Variants in RBM46 observed in about 807,000 individuals in gnomAD.
The protein encoded by RBM46 is probable RNA-binding protein 46.
RBM46 carries 12 observed loss-of-function variants against 43.3 expected under a neutral mutation model. The ratio of observed to expected loss-of-function variants is 0.28; its 90% CI spans 0.18 to 0.45. RBM46 has a LOEUF of 0.45. Ranked by LOEUF, RBM46 falls within the 20% of genes least tolerant of loss-of-function variation. RBM46 has a pLI of 1.00. For synonymous variants in RBM46, 205 were observed against 207.6 expected (o/e 0.99, Z 0.11); for missense variants, 412 against 639.1 (o/e 0.64, Z 3.83).
chr4:154,799,515 G>A lies in RBM46; in HGVS notation c.1353G>A (p.Thr451=), dbSNP rs756539216. The A allele has an allele frequency of 1.9e-5, 30 of 1,596,374 alleles. 1 individual carries two copies. The highest frequency in any genetic ancestry group is 1.4e-4 in the Admixed American group (8 of 56,312). The change falls in exon 4 of 5, where the codon ACG becomes ACA. Residue 451 remains threonine (T), a synonymous_variant. Coordinates refer to ENST00000281722, the MANE Select transcript of RBM46 (RefSeq NM_144979.5). ...SYFMPDKLCT[T]LEDAKELAAQ... ...TCATGCCAGACAAACTCTGTACTAC[G>A]TTAGAAGATGCAAAGGAACTGGCAG...
chr4:154,826,739 CTTTTTTT>C (rs34828322), intron 4 of RBM46: 127 of 934,022 alleles, frequency 1.4e-4, no homozygotes, highest in South Asian at 4.0e-4. Flanking sequence ...TTCATTTTTC[CTTTTTTT>C]TTTTTTTTTT....
intron 1 of RBM46, chr4:154,787,204 A>AT (rs77037152): frequency 5.3e-5 from 8 of 150,338 alleles, no homozygotes; most frequent in East Asian, 3.9e-4. Context: ...CTGAGGACAA[A>AT]TTTTTTTTTT....
At chr4:154,827,592 A>G (rs1736024402) in intron 4 of RBM46, 1 of 1,166,548 alleles carries the variant, frequency 8.6e-7, no homozygotes, top group Non-Finnish European at 1.1e-6. Flanking sequence ...TTTTTCTATA[A>G]TCAAAACTCC....
intron 4 of RBM46, among the ~76,000 whole-genome samples, chr4:154,822,611 G>A (rs1735770849): frequency 6.6e-6 from 1 of 151,394 alleles, no homozygotes; most frequent in African/African-American, 2.4e-5. Context: ...TAGTGTTTGA[G>A]TGAAAGTAAG....
At chr4:154,784,649 T>G (rs1454043561) in intron 1 of RBM46, among the ~76,000 whole-genome samples, 1 of 152,216 alleles carries the variant, frequency 6.6e-6, no homozygotes, top group African/African-American at 2.4e-5. Context: ...TGGCACAACT[T>G]TTAATTTCTC....
At chr4:154,824,264 C>G (rs550432889) in intron 4 of RBM46, among the ~76,000 whole-genome samples, 1 of 151,978 alleles carries the variant, frequency 6.6e-6, no homozygotes, top group Non-Finnish European at 1.5e-5. Flanking sequence ...TCATATCTTA[C>G]TGGTGTGAAT....
chr4:154,815,649 G>T (rs530998055), intron 4 of RBM46, among the ~76,000 whole-genome samples: 5 of 151,710 alleles, frequency 3.3e-5, no homozygotes, highest in African/African-American at 1.2e-4. Context: ...TCATTTTATT[G>T]GTTTGTCTGT....
chr4:154,783,468 G>C (rs1357566095), intron 1 of RBM46, among the ~76,000 whole-genome samples: 1 of 152,152 alleles, frequency 6.6e-6, no homozygotes, highest in East Asian at 1.9e-4. Context: ...AAATTGTCCA[G>C]ATTTGCATAT....
chr4:154,826,897 G>A (rs1483692113), intron 4 of RBM46: 10 of 1,408,102 alleles, frequency 7.1e-6, no homozygotes, highest in Middle Eastern at 1.8e-4. Flanking sequence ...TACCAGGACA[G>A]TATTATAGAA....
intron 1 of RBM46, among the ~76,000 whole-genome samples, chr4:154,789,856 GTTA>G (rs1733986893): frequency 6.6e-6 from 1 of 152,180 alleles, no homozygotes; most frequent in South Asian, 2.1e-4. Flanking sequence ...TTCAGAGCCT[GTTA>G]TTGGTCTATT....
chr4:154,787,791 G>C (rs1733856152), intron 1 of RBM46, among the ~76,000 whole-genome samples: 2 of 152,318 alleles, frequency 1.3e-5, no homozygotes, highest in South Asian at 4.1e-4. Flanking sequence ...CTAGTTTACA[G>C]TTCCACCAAC....
chr4:154,817,471 T>TA (rs1388881424), intron 4 of RBM46, among the ~76,000 whole-genome samples: 1 of 151,796 alleles, frequency 6.6e-6, no homozygotes, highest in Non-Finnish European at 1.5e-5. Flanking sequence ...TAGCTGGGAT[T>TA]ACAGGTGCGC....
chr4:154,820,420 C>T (rs1735669539), intron 4 of RBM46: 2 of 1,506,710 alleles, frequency 1.3e-6, no homozygotes. Flanking sequence ...AGAAAATAAA[C>T]AGGTAAGAGT....
intron 1 of RBM46, among the ~76,000 whole-genome samples, chr4:154,792,107 G>T (rs937931276): frequency 6.6e-6 from 1 of 152,146 alleles, no homozygotes; most frequent in Admixed American, 6.5e-5. Context: ...ACAAGTAGGG[G>T]TTAGTAGCCC....
At chr4:154,788,310 A>G (rs1447374124) in intron 1 of RBM46, among the ~76,000 whole-genome samples, 1 of 152,078 alleles carries the variant, frequency 6.6e-6, no homozygotes, top group Admixed American at 6.5e-5. Context: ...TAGGGTTTTT[A>G]TGGTTTTAGG....
intron 4 of RBM46, among the ~76,000 whole-genome samples, chr4:154,824,264 C>A (rs550432889): frequency 6.6e-6 from 1 of 152,096 alleles, no homozygotes; most frequent in Non-Finnish European, 1.5e-5. Context: ...TCATATCTTA[C>A]TGGTGTGAAT....
In RBM46 at chr4:154,828,093, A is replaced by G. The variant is rs1364021879; in HGVS notation, c.*26A>G. ...AGAAAATACTAACATTAGTATGAAA[A>G]TTTGTGTAAATTTGTAGTATGAAAA... On this transcript the variant is annotated 3_prime_UTR_variant, in exon 5 of 5. Coordinates refer to ENST00000281722, the MANE Select transcript of RBM46 (RefSeq NM_144979.5). The G allele has an allele frequency of 1.1e-5, 16 of 1,459,004 alleles. No homozygotes were observed. Among genetic ancestry groups the G allele is most frequent in the Non-Finnish European group, 3.8e-6 (4 of 1,040,122 alleles). The allele number at this position is 1,459,004 out of a possible 1,614,324, so 90.4% of individuals were successfully genotyped here.
chr4:154,814,096 C>T (rs1230921275), intron 4 of RBM46, among the ~76,000 whole-genome samples: 1 of 151,978 alleles, frequency 6.6e-6, no homozygotes, highest in African/African-American at 2.4e-5. Flanking sequence ...TAGGAGCCTA[C>T]TTAGATTTTT....
Position 154,828,411 on chromosome 4 carries a change from A to G in RBM46, c.*344A>G, listed in dbSNP as rs1340961426. The G allele has an allele frequency of 4.1e-6, 1 of 241,488 alleles. No individual in the cohort carries two copies. The highest frequency in any genetic ancestry group is 8.0e-6 in the Non-Finnish European group (1 of 125,638). 15.0% of individuals were successfully genotyped at this position (241,488 alleles called of 1,614,324 possible). A position where few individuals can be genotyped will look rare whatever the true frequency, so the allele number is the denominator to read the frequency against. On this transcript the variant is annotated 3_prime_UTR_variant, in exon 5 of 5. Coordinates refer to ENST00000281722, the MANE Select transcript of RBM46 (RefSeq NM_144979.5). ...GCATAATTTTACTAAATAGTATTTCACAAATATTAAAGCACTTGAAGACAA... is the reference window on the plus strand; with the variant it reads ...GCATAATTTTACTAAATAGTATTTCGCAAATATTAAAGCACTTGAAGACAA...
Sources: gnomAD v4.1 joint callset for allele counts (sites outside exome capture counted in the v4.1 genomes callset) on GRCh38, gnomAD v4.1.1 for gene constraint, MANE v1.5 for transcripts, NCBI Gene and HGNC (gene_info 2026-07-23, HGNC 2026-07-21) for gene names.